GRB10: variants seen among roughly 807,000 people sequenced by gnomAD.
GRB10 encodes the protein growth factor receptor-bound protein 10.
A neutral mutation model predicts 80.9 loss-of-function variants in GRB10; 20 were observed. The observed-to-expected ratio is 0.25, with a 90% CI of 0.17 to 0.36. GRB10 has a LOEUF of 0.36. Ranked by LOEUF, GRB10 falls within the 10% of genes least tolerant of loss-of-function variation. The pLI is 1.00. For missense variants in GRB10, 548 were observed against 747.7 expected (o/e 0.73, Z 3.12); for synonymous variants, 291 against 291.5 (o/e 1.00, Z 0.02).
intron 5 of GRB10, among the ~76,000 whole-genome samples, chr7:50,694,928 TA>T (rs1036756629): frequency 6.6e-6 from 1 of 152,224 alleles, no homozygotes; most frequent in African/African-American, 2.4e-5. Context: ...TGTCAATCTC[TA>T]AAAACTTGAC....
chr7:50,745,952 C>A (rs924024268), intron 3 of GRB10, among the ~76,000 whole-genome samples: 1 of 152,158 alleles, frequency 6.6e-6, no homozygotes, highest in Non-Finnish European at 1.5e-5. Context: ...TAATCTCATT[C>A]TTTTGGCAAA....
chr7:50,676,442 A>C (rs1176360726), intron 5 of GRB10, among the ~76,000 whole-genome samples: 1 of 150,482 alleles, frequency 6.6e-6, no homozygotes, highest in Non-Finnish European at 1.5e-5. Flanking sequence ...TATTTCATCT[A>C]TTTCTTACAA....
intron 13 of GRB10, chr7:50,606,635 C>G: frequency 1.8e-6 from 1 of 570,980 alleles, no homozygotes; most frequent in South Asian, 2.0e-5. Context: ...TTGACTCCCC[C>G]AAAACTTACC....
At chr7:50,654,695 C>A (rs1387187255) in intron 7 of GRB10, among the ~76,000 whole-genome samples, 1 of 152,178 alleles carries the variant, frequency 6.6e-6, no homozygotes, top group East Asian at 1.9e-4. Flanking sequence ...ATATATTCTT[C>A]ACCTTAGTAC....
chr7:50,696,199 C>A (rs890934650), intron 5 of GRB10, among the ~76,000 whole-genome samples: 7 of 152,230 alleles, frequency 4.6e-5, no homozygotes, highest in Non-Finnish European at 8.8e-5. Context: ...GAAATAAATT[C>A]CTGGAATTGA....
chr7:50,682,980 AC>A (rs1322258778), intron 5 of GRB10, among the ~76,000 whole-genome samples: 6 of 152,108 alleles, frequency 3.9e-5, no homozygotes, highest in Admixed American at 3.9e-4. Flanking sequence ...GCAGGTATAT[AC>A]CCCCCAAAAT....
At chr7:50,692,740 A>C (rs1004744935) in intron 5 of GRB10, among the ~76,000 whole-genome samples, 4 of 152,206 alleles carry the variant, frequency 2.6e-5, no homozygotes, top group Non-Finnish European at 4.4e-5. Flanking sequence ...AGACATGTGT[A>C]CTGCCCTCAA....
intron 8 of GRB10, among the ~76,000 whole-genome samples, chr7:50,624,517 A>C (rs2153588424): frequency 6.6e-6 from 1 of 152,342 alleles, no homozygotes; most frequent in South Asian, 2.1e-4. Flanking sequence ...TTTTTAAAAA[A>C]CGTTAAGTGA....
chr7:50,686,422 A>C (rs1409407904), intron 5 of GRB10, among the ~76,000 whole-genome samples: 2 of 152,216 alleles, frequency 1.3e-5, no homozygotes, highest in Non-Finnish European at 2.9e-5. Flanking sequence ...TTCTTACAGC[A>C]ACTCAAACAG....
At chr7:50,747,029 C>A (rs2153699146) in intron 3 of GRB10, among the ~76,000 whole-genome samples, 1 of 152,320 alleles carries the variant, frequency 6.6e-6, no homozygotes, top group South Asian at 2.1e-4. Context: ...CAAGTGTTGA[C>A]AAAGCATGTT....
chr7:50,731,158 G>A lies in GRB10; in HGVS notation c.51+1114C>T, dbSNP rs544190113. On this transcript the variant is annotated intron_variant, in intron 4 of 18. Coordinates refer to ENST00000401949, the MANE Select transcript of GRB10 (RefSeq NM_001350814.2). The stretch of plus-strand genomic sequence containing the variant: ...GAGCTCACAAACTACACAGACTCAG[G>A]GGTCACCACCAAACTTTGCAGTTCG... Among the ~76,000 whole-genome samples, 55 of 152,274 alleles carry A rather than the reference G, an allele frequency of 3.6e-4. 1 individual carries two copies. The South Asian group carries it at 0.011, about 31-fold the overall frequency.
chr7:50,706,919 T>C (rs2065117524), intron 4 of GRB10, among the ~76,000 whole-genome samples: 1 of 152,202 alleles, frequency 6.6e-6, no homozygotes, highest in South Asian at 2.1e-4. Context: ...CTCCCAACCC[T>C]CTGTTACTGA....
At chr7:50,644,584 T>G (rs949416706) in intron 7 of GRB10, among the ~76,000 whole-genome samples, 17 of 152,208 alleles carry the variant, frequency 1.1e-4, no homozygotes, top group Admixed American at 3.3e-4. Flanking sequence ...GCATTCCGTT[T>G]CAGAAAAACT....
chr7:50,684,267 CAAAAAAAAAA>C (rs386410128), intron 5 of GRB10, among the ~76,000 whole-genome samples: 8 of 62,278 alleles, frequency 1.3e-4, no homozygotes, highest in Non-Finnish European at 2.1e-4. Flanking sequence ...CAATCATCAC[CAAAAAAAAAA>C]AAAAAAAAAA....
intron 5 of GRB10, among the ~76,000 whole-genome samples, chr7:50,691,229 C>T (rs763899613): frequency 2.0e-5 from 3 of 151,962 alleles, no homozygotes; most frequent in Non-Finnish European, 2.9e-5. Flanking sequence ...ACTGAACGAT[C>T]GAGGAATCAA....
At chr7:50,597,333 G>C (rs557342087) in intron 17 of GRB10, among the ~76,000 whole-genome samples, 139 of 152,348 alleles carry the variant, frequency 9.1e-4, no homozygotes, top group African/African-American at 3.3e-3. Context: ...GCGTGAGGAA[G>C]CTCAGACCCC....
intron 5 of GRB10, among the ~76,000 whole-genome samples, chr7:50,689,045 C>T (rs1007268070): frequency 4.6e-5 from 7 of 152,190 alleles, no homozygotes; most frequent in African/African-American, 1.7e-4. Flanking sequence ...GCCTTCATCT[C>T]TCTCCGAAAC....
At chr7:50,707,797 C>T (rs1396234289) in intron 4 of GRB10, among the ~76,000 whole-genome samples, 1 of 152,144 alleles carries the variant, frequency 6.6e-6, no homozygotes, top group Non-Finnish European at 1.5e-5. Flanking sequence ...TGCAAGGAGC[C>T]CTAAGGCCCT....
intron 5 of GRB10, among the ~76,000 whole-genome samples, chr7:50,677,825 T>C (rs989777014): frequency 1.3e-5 from 2 of 152,242 alleles, no homozygotes; most frequent in African/African-American, 4.8e-5. Flanking sequence ...TTGGTCTCAA[T>C]GCCACACACG....
Sources: gnomAD v4.1 joint callset for allele counts (sites outside exome capture counted in the v4.1 genomes callset) on GRCh38, gnomAD v4.1.1 for gene constraint, MANE v1.5 for transcripts, NCBI Gene and HGNC (gene_info 2026-07-23, HGNC 2026-07-21) for gene names.